DFFA: variants seen among roughly 807,000 people sequenced by gnomAD.
DFFA encodes the protein DNA fragmentation factor subunit alpha.
DFFA carries 14 observed loss-of-function variants against 28.0 expected under a neutral mutation model. That is an observed-to-expected ratio of 0.50 (90% CI 0.33 to 0.78). The LOEUF (loss-of-function observed/expected upper bound fraction) is 0.78, where lower values mean the gene tolerates loss of function less well. DFFA is among the 30% of genes least tolerant of loss of function. The probability of loss-of-function intolerance (pLI) is 0.02; values close to 1 mark genes in which losing one functional copy is unlikely to be tolerated. For synonymous variants in DFFA, 158 were observed against 170.3 expected (o/e 0.93, Z 0.56); for missense variants, 395 against 407.1 (o/e 0.97, Z 0.26).
At chr1:10,471,038 G>C (rs1641090663) in intron 1 of DFFA, among the ~76,000 whole-genome samples, 1 of 145,816 alleles carries the variant, frequency 6.9e-6, no homozygotes, top group Admixed American at 6.8e-5. Flanking sequence ...ACTCCAGCCT[G>C]GGTGACAGAG....
At chr1:10,469,135 T>C in intron 2 of DFFA, 42 bp downstream of exon 2, 1 of 1,591,852 alleles carries the variant, frequency 6.3e-7, no homozygotes, top group Non-Finnish European at 8.6e-7. Context: ...TGATGGATGC[T>C]GTACTGCATA....
Position 10,463,190 on chromosome 1 carries a change from A to G in DFFA, c.651T>C (p.Gly217=). 1.9e-6 allele frequency: 3 copies of G among 1,614,064 alleles called. No homozygotes were observed. The highest frequency in any genetic ancestry group is 2.5e-6 in the Non-Finnish European group (3 of 1,180,002). The change falls in exon 5 of 6, where the codon GGT becomes GGC. Residue 217 remains glycine (G), a synonymous_variant. Transcript: ENST00000377038. ...SKQEESKAAF[G]EEVDAVDTGI... Reference sequence around the variant, plus strand: ...CCGTGTCTACTGCATCCACCTCCTCACCAAAGGCAGCTTTGGACTCTGCAA... The same window carrying G: ...CCGTGTCTACTGCATCCACCTCCTCGCCAAAGGCAGCTTTGGACTCTGCAA...
chr1:10,463,799 G>A (rs372579477), intron 3 of DFFA, among the ~76,000 whole-genome samples, 179 bp from the exon 4 acceptor site: 1 of 151,746 alleles, frequency 6.6e-6, no homozygotes, highest in African/African-American at 2.4e-5. Context: ...CTAGTAGCTG[G>A]GATTACAGGC....
chr1:10,461,199 C>CAT lies in DFFA; in HGVS notation c.*290_*291insAT. On this transcript the variant is annotated 3_prime_UTR_variant, in exon 6 of 6. Transcript: ENST00000377038. The stretch of plus-strand genomic sequence containing the variant: ...CTGGGATTACAGGCGTGAGCCACTG[C>CAT]GCCTGGCCAATCACTGCCAATTACT... 1 of 339,112 alleles carries CAT rather than the reference C, an allele frequency of 2.9e-6. No individual in the cohort carries two copies. The allele number at this position is 339,112 out of a possible 1,614,324, so 21.0% of individuals were successfully genotyped here. A position where few individuals can be genotyped will look rare whatever the true frequency, so the allele number is the denominator to read the frequency against.
Position 10,472,197 on chromosome 1 carries a change from T to G in DFFA, c.136+126A>C. ...TCGCTATGCCCACTCGGACCGTTTC[T>G]GTCCCAAGCCTCCACCCGAGATACA... On this transcript the variant is annotated intron_variant, in intron 1 of 5. Transcript: ENST00000377038. This position sits in a 1 kb window ranked among gnomAD's most constrained non-coding sequence, Gnocchi z 5.0. 1 of 1,232,760 alleles carries G rather than the reference T, an allele frequency of 8.1e-7. No individual in the cohort carries two copies. Among genetic ancestry groups the G allele is most frequent in the Non-Finnish European group, 1.1e-6 (1 of 911,144 alleles). The allele number at this position is 1,232,760 out of a possible 1,614,324, so 76.4% of individuals were successfully genotyped here.
chr1:10,467,394 C>G, intron 2 of DFFA, 62 bp from the exon 3 acceptor site: 2 of 1,570,340 alleles, frequency 1.3e-6, no homozygotes, highest in Non-Finnish European at 1.8e-6. Flanking sequence ...CACCTCCTCC[C>G]CCAGCACACA....
At chr1:10,465,307 C>T (rs1411117832) in intron 3 of DFFA, among the ~76,000 whole-genome samples, 2 of 152,022 alleles carry the variant, frequency 1.3e-5, no homozygotes, top group African/African-American at 4.8e-5. Flanking sequence ...TGCTCTGTCT[C>T]CCAGGCTAAA....
rs34597195 is a variant in DFFA, at chr1:10,466,952, C to CAAAAAAAAA, written c.441+229_441+237dup. ...TGGGCGACAGAGTAAGACTGTGTCT[C>CAAAAAAAAA]AAAAAAAAAAAAAAAAAAAAAAAAA... On this transcript the variant is annotated intron_variant, in intron 3 of 5. Transcript: ENST00000377038. 6.4e-3 allele frequency among the ~76,000 whole-genome samples: 208 copies of CAAAAAAAAA among 32,738 alleles called. 19 individuals carry two copies. The highest frequency in any genetic ancestry group is 0.016 in the African/African-American group (202 of 12,468). 21.5% of individuals were successfully genotyped at this position (32,738 alleles called of 152,430 possible).
rs1371730154 is a variant in DFFA, at chr1:10,463,492, C to G, written c.570G>C (p.Gln190His). 6.2e-7 allele frequency: 1 copy of G among 1,614,094 alleles called. No individual in the cohort carries two copies. The highest frequency in any genetic ancestry group is 8.5e-7 in the Non-Finnish European group (1 of 1,180,040). ...DQREEVRQSKQLLQLYLQALE... is the reference protein window; with the variant it reads ...DQREEVRQSKHLLQLYLQALE... ...AAGCCTGGAGGTACAGCTGCAGGAG[C>G]TGCTTGGACTGACGCACTTCCTCTC... Residue 190 changes from glutamine (Q) to histidine (H), a missense_variant, in exon 4 of 6, where the codon CAG becomes CAC. Gln to His is a conservative substitution (Grantham distance 24). Transcript: ENST00000377038.
rs1267104536 is a variant in DFFA, at chr1:10,472,207, C to T, written c.136+116G>A. On this transcript the variant is annotated intron_variant, in intron 1 of 5. Transcript: ENST00000377038. The surrounding 1 kb of genome is among the most constrained non-coding windows in gnomAD (Gnocchi z 5.0). ...CACTCGGACCGTTTCTGTCCCAAGC[C>T]TCCACCCGAGATACAAGAATCCCCA... 2 of 1,322,144 alleles carry T rather than the reference C, an allele frequency of 1.5e-6. No individual in the cohort carries two copies. The highest frequency in any genetic ancestry group is 3.0e-5 in the African/African-American group (2 of 66,906). 81.9% of individuals were successfully genotyped at this position (1,322,144 alleles called of 1,614,324 possible).
intron 2 of DFFA, among the ~76,000 whole-genome samples, chr1:10,468,867 T>C (rs1641056067): frequency 6.6e-6 from 1 of 152,060 alleles, no homozygotes; most frequent in African/African-American, 2.4e-5. Context: ...GCCTCCCAAG[T>C]ATCTGGGATT....
At chr1:10,463,290 G>T in intron 4 of DFFA, 81 bp from the exon 5 acceptor site, 3 of 1,575,240 alleles carry the variant, frequency 1.9e-6, no homozygotes, top group South Asian at 1.1e-5. Flanking sequence ...TAACTGGCCG[G>T]GCAAGAGAGA....
chr1:10,472,467 A>G lies in DFFA; in HGVS notation c.-9T>C. 6.3e-7 allele frequency: 1 copy of G among 1,599,462 alleles called. No individual in the cohort carries two copies. Among genetic ancestry groups the G allele is most frequent in the Non-Finnish European group, 8.5e-7 (1 of 1,170,998 alleles). Reference sequence around the variant, plus strand: ...TCCCCGGTCACCTCCATCCTCCACAAGGTGGGACCTGCCCACCTTCGAGAA... The same window carrying G: ...TCCCCGGTCACCTCCATCCTCCACAGGGTGGGACCTGCCCACCTTCGAGAA... On this transcript the variant is annotated 5_prime_UTR_variant, in exon 1 of 6. Coordinates refer to ENST00000377038, the MANE Select transcript of DFFA (RefSeq NM_004401.3). The surrounding 1 kb of genome is among the most constrained non-coding windows in gnomAD (Gnocchi z 5.0).
At chr1:10,465,661 G>C (rs973501543) in intron 3 of DFFA, among the ~76,000 whole-genome samples, 1 of 151,942 alleles carries the variant, frequency 6.6e-6, no homozygotes, top group African/African-American at 2.4e-5. Flanking sequence ...AAAGTTCTAG[G>C]ATTATAGGTG....
At position 10,467,440 on chromosome 1, in the gene DFFA, A is replaced by G. The variant is rs569451729; in HGVS notation, c.299-108T>C. 61 of 1,218,700 alleles carry G rather than the reference A, an allele frequency of 5.0e-5. 1 individual carries two copies. The African/African-American group carries it at 5.4e-4, about 11-fold the overall frequency. 75.5% of individuals were successfully genotyped at this position (1,218,700 alleles called of 1,614,324 possible). The stretch of plus-strand genomic sequence containing the variant: ...GAGGATCTAGATTAATTTCAATGGG[A>G]AAGAAGCATCTTATCTCAAGGATTC... On this transcript the variant is annotated intron_variant, in intron 2 of 5. Coordinates refer to ENST00000377038, the MANE Select transcript of DFFA (RefSeq NM_004401.3).
In DFFA at chr1:10,456,999, A is replaced by G. The variant is rs1267105503; in HGVS notation, c.*4491T>C. ...ACCACGTTCATTACACATCTGGGAT[A>G]GAGCTCTGACTCTTTGATAGAGGAC... On this transcript the variant is annotated 3_prime_UTR_variant, in exon 6 of 6. Transcript: ENST00000377038. 6.6e-6 allele frequency: 1 copy of G among 152,260 alleles called. No homozygotes were observed. Among genetic ancestry groups the G allele is most frequent in the Non-Finnish European group, 1.5e-5 (1 of 68,066 alleles). The allele number at this position is 152,260 out of a possible 1,614,324, so 9.4% of individuals were successfully genotyped here.
chr1:10,461,398 A>C lies in DFFA; in HGVS notation c.*92T>G. 1 of 1,493,110 alleles carries C rather than the reference A, an allele frequency of 6.7e-7. No individual in the cohort carries two copies. Among genetic ancestry groups the C allele is most frequent in the Non-Finnish European group, 9.0e-7 (1 of 1,115,070 alleles). 92.5% of individuals were successfully genotyped at this position (1,493,110 alleles called of 1,614,324 possible). A position where few individuals can be genotyped will look rare whatever the true frequency, so the allele number is the denominator to read the frequency against. ...TGGAAGGTGCTCTAAGGCAGGGGGT[A>C]GAGTAGTACATAGGTAGTCAAATGA... On this transcript the variant is annotated 3_prime_UTR_variant, in exon 6 of 6. Transcript: ENST00000377038.
chr1:10,461,655 C>T lies in DFFA; in HGVS notation c.831G>A (p.Trp277Ter), dbSNP rs2124337819. The T allele has an allele frequency of 6.2e-7, 1 of 1,614,240 alleles. No homozygotes were observed. Among genetic ancestry groups the T allele is most frequent in the Non-Finnish European group, 8.5e-7 (1 of 1,180,040 alleles). ...DPKALAVALN[W>*]DIKKTETVQE... ...GAACAGTCTCCGTCTTCTTTATGTCCCAGTTCAAGGCAACAGCCAGTGCTT... is the reference window on the plus strand; with the variant it reads ...GAACAGTCTCCGTCTTCTTTATGTCTCAGTTCAAGGCAACAGCCAGTGCTT... Residue 277 changes from tryptophan (W) to a stop codon, truncating the protein, a stop_gained, in exon 6 of 6, where the codon TGG becomes TGA. Transcript: ENST00000377038. LOFTEE classifies it low-confidence loss of function (END_TRUNC).
At position 10,460,964 on chromosome 1, in the gene DFFA, AGT is replaced by A; in HGVS notation, c.*524_*525del. On this transcript the variant is annotated 3_prime_UTR_variant, in exon 6 of 6. Coordinates refer to ENST00000377038, the MANE Select transcript of DFFA (RefSeq NM_004401.3). ...CGCTCTGTTGCCCAGGCTGGAGTGC[AGT>A]GGCGCAATCTCAGCTCACTGCAAGC... The A allele has an allele frequency of 7.2e-6, 1 of 139,406 alleles. No individual in the cohort carries two copies. The highest frequency in any genetic ancestry group is 2.2e-4 in the South Asian group (1 of 4,496). 8.6% of individuals were successfully genotyped at this position (139,406 alleles called of 1,614,324 possible).
Sources: allele counts gnomAD v4.1 joint callset (sites outside exome capture counted in the v4.1 genomes callset), GRCh38; gene constraint gnomAD v4.1.1; non-coding constraint Gnocchi (gnomAD v3.1); transcripts MANE v1.5; gene names NCBI Gene and HGNC (gene_info 2026-07-23, HGNC 2026-07-21).